CAB39L: variants seen among roughly 807,000 people sequenced by gnomAD.
CAB39L encodes calcium binding protein 39 like.
Under a neutral mutation model 39.1 loss-of-function variants are expected in CAB39L, and 23 were observed. That is an observed-to-expected ratio of 0.59 (90% CI 0.42 to 0.83). CAB39L has a LOEUF of 0.83. Ranked by LOEUF, CAB39L falls within the 40% of genes least tolerant of loss-of-function variation. The pLI, the probability that CAB39L is intolerant of heterozygous loss-of-function variation, is 0.00. For synonymous variants in CAB39L, 126 were observed against 137.2 expected, an observed-to-expected ratio of 0.92 and a Z score of 0.57; for missense variants, 366 against 391.9, an observed-to-expected ratio of 0.93 and a Z score of 0.56.
At chr13:49,414,271 T>C (rs1195715803) in intron 3 of CAB39L, 2 of 152,204 alleles carry the variant, frequency 1.3e-5, no homozygotes, top group Non-Finnish European at 2.9e-5. Context: ...GCAACAGTTC[T>C]TAAAATTAAA....
intron 8 of CAB39L, among the ~76,000 whole-genome samples, chr13:49,341,053 A>G (rs1954990500): frequency 6.6e-6 from 1 of 152,234 alleles, no homozygotes; most frequent in Admixed American, 6.5e-5. Flanking sequence ...TACCTCATTC[A>G]TTCTATAGGA....
intron 1 of CAB39L, among the ~76,000 whole-genome samples, chr13:49,438,200 C>T (rs1391081966): frequency 2.0e-5 from 3 of 152,148 alleles, no homozygotes; most frequent in African/African-American, 4.8e-5. Flanking sequence ...CACCTGTCAG[C>T]TTCAAGGGCT....
chr13:49,409,477 C>G (rs1285606458), intron 3 of CAB39L, among the ~76,000 whole-genome samples: 1 of 149,470 alleles, frequency 6.7e-6, no homozygotes, highest in African/African-American at 2.5e-5. Flanking sequence ...CCTTTCAACT[C>G]TTGGTAGATT....
At chr13:49,411,275 C>T (rs980212078) in intron 3 of CAB39L, among the ~76,000 whole-genome samples, 2 of 151,364 alleles carry the variant, frequency 1.3e-5, no homozygotes, top group Non-Finnish European at 2.9e-5. Context: ...CTGGGCATGG[C>T]GGTGTGTGCC....
intron 10 of CAB39L, among the ~76,000 whole-genome samples, chr13:49,331,705 A>G (rs769340840): frequency 6.6e-6 from 1 of 152,170 alleles, no homozygotes; most frequent in Non-Finnish European, 1.5e-5. Flanking sequence ...TTTGGGAAAG[A>G]GTATCATGCA....
At chr13:49,372,895 G>A (rs573390646) in intron 5 of CAB39L, among the ~76,000 whole-genome samples, 4 of 152,136 alleles carry the variant, frequency 2.6e-5, no homozygotes, top group South Asian at 2.1e-4. Context: ...GGATGGTCTC[G>A]ATCTCCTGAC....
At chr13:49,381,705 ATCACTT>A (rs971252425) in intron 4 of CAB39L, among the ~76,000 whole-genome samples, 5 of 152,182 alleles carry the variant, frequency 3.3e-5, no homozygotes, top group African/African-American at 1.2e-4. Flanking sequence ...TTTAATTTTT[ATCACTT>A]TCTAATGTTC....
intron 9 of CAB39L, among the ~76,000 whole-genome samples, chr13:49,336,631 G>A (rs1425731481): frequency 6.6e-6 from 1 of 152,082 alleles, no homozygotes; most frequent in Non-Finnish European, 1.5e-5. Context: ...AAAAAGGAAG[G>A]ATTTGGAGAA....
chr13:49,440,121 T>C (rs192754129), intron 1 of CAB39L, among the ~76,000 whole-genome samples: 1 of 152,134 alleles, frequency 6.6e-6, no homozygotes, highest in Non-Finnish European at 1.5e-5. Context: ...TTTGTTGCAA[T>C]TGCTTTTGAA....
chr13:49,441,497 G>T (rs9568205), intron 1 of CAB39L, among the ~76,000 whole-genome samples: 6,596 of 151,726 alleles, frequency 0.043, 246 homozygotes, highest in East Asian at 0.19. Flanking sequence ...AGCCTGGGGG[G>T]TCAAGGCTGC....
chr13:49,336,005 T>C (rs2138409663), intron 9 of CAB39L, among the ~76,000 whole-genome samples: 1 of 152,120 alleles, frequency 6.6e-6, no homozygotes, highest in East Asian at 1.9e-4. Context: ...TAAAAAGTAT[T>C]ACAGAATCCA....
intron 3 of CAB39L, among the ~76,000 whole-genome samples, chr13:49,419,488 G>A (rs1322228212): frequency 1.3e-5 from 2 of 152,134 alleles, no homozygotes; most frequent in South Asian, 2.1e-4. Context: ...TGAGGTGGGC[G>A]GACTGCTTGA....
At chr13:49,383,680 G>A (rs956594261) in intron 3 of CAB39L, among the ~76,000 whole-genome samples, 3 of 152,062 alleles carry the variant, frequency 2.0e-5, no homozygotes, top group Non-Finnish European at 4.4e-5. Context: ...TTATATTTAC[G>A]CTATACTGCA....
At chr13:49,312,283 T>C (rs535342521) in intron 10 of CAB39L, among the ~76,000 whole-genome samples, 50 of 152,350 alleles carry the variant, frequency 3.3e-4, no homozygotes, top group African/African-American at 1.1e-3. Context: ...TCTACAGTAG[T>C]GTACGGTAAT....
At chr13:49,314,710 AATCC>A (rs569951360) in intron 10 of CAB39L, among the ~76,000 whole-genome samples, 130 of 152,174 alleles carry the variant, frequency 8.5e-4, no homozygotes, top group Non-Finnish European at 1.5e-3. Flanking sequence ...CCTGGGCCCA[AATCC>A]TAGCACCATC....
intron 3 of CAB39L, among the ~76,000 whole-genome samples, chr13:49,400,545 C>T (rs1956747065): frequency 6.6e-6 from 1 of 151,264 alleles, no homozygotes; most frequent in African/African-American, 2.4e-5. Flanking sequence ...ACTGTAAGAA[C>T]AAAATAACTG....
At chr13:49,400,958 T>C (rs75346629) in intron 3 of CAB39L, among the ~76,000 whole-genome samples, 2,350 of 152,112 alleles carry the variant, frequency 0.015, 66 homozygotes, top group African/African-American at 0.053. Context: ...TATTGTTTTG[T>C]AGTTTTTTTA....
intron 10 of CAB39L, among the ~76,000 whole-genome samples, chr13:49,326,399 T>C (rs1468064322): frequency 6.6e-6 from 1 of 152,214 alleles, no homozygotes; most frequent in Non-Finnish European, 1.5e-5. Context: ...CCTTGCTCTC[T>C]TGACCTCCAT....
intron 4 of CAB39L, among the ~76,000 whole-genome samples, chr13:49,378,264 G>T (rs559011551): frequency 1.1e-5 from 1 of 91,124 alleles, no homozygotes; most frequent in Non-Finnish European, 2.2e-5. Context: ...AGGGAGGTGG[G>T]GGGGGGTCAA....
Sources: gnomAD v4.1 joint callset for allele counts (sites outside exome capture counted in the v4.1 genomes callset) on GRCh38, gnomAD v4.1.1 for gene constraint, MANE v1.5 for transcripts, NCBI Gene and HGNC (gene_info 2026-07-23, HGNC 2026-07-21) for gene names.